SMARCAL1: variants seen among roughly 807,000 people sequenced by gnomAD.
SMARCAL1 encodes the protein SNF2 related chromatin remodeling annealing helicase 1, also known as ATP-driven annealing helicase.
Under a neutral mutation model 94.5 loss-of-function variants are expected in SMARCAL1, and 58 were observed. The ratio of observed to expected loss-of-function variants is 0.61; its 90% CI spans 0.50 to 0.76. The LOEUF is 0.76. Among genes scored for constraint, SMARCAL1 ranks in the 30% least tolerant of loss-of-function variants. The pLI is 0.00. For missense variants in SMARCAL1, 1,051 were observed against 1,177.9 expected (o/e 0.89, Z 1.58); for synonymous variants, 422 against 455.1 (o/e 0.93, Z 0.93).
chr2:216,468,000 A>G lies in SMARCAL1; in HGVS notation c.2198A>G (p.His733Arg). 1 of 1,614,056 alleles carries G rather than the reference A, an allele frequency of 6.2e-7. No homozygotes were observed. The highest frequency in any genetic ancestry group is 2.2e-5 in the East Asian group (1 of 44,880). ...SGREKFLVFA[H>R]HKVVLDAITQ... ...AGAGAGAAGTTTTTAGTATTTGCAC[A>G]CCATAAGGTGGTCCTGGACGCAATT... Residue 733 changes from histidine to arginine, a missense_variant, in exon 14 of 18, where the codon CAC becomes CGC. Physicochemically the swap from His to Arg is conservative, Grantham distance 29. Coordinates refer to ENST00000357276, the MANE Select transcript of SMARCAL1 (RefSeq NM_014140.4).
Position 216,415,058 on chromosome 2 carries a change from T to C in SMARCAL1, c.354T>C (p.Ala118=). 1.2e-6 allele frequency: 2 copies of C among 1,614,184 alleles called. No homozygotes were observed. The highest frequency in any genetic ancestry group is 1.7e-6 in the Non-Finnish European group (2 of 1,180,018). ...GCCACAGTCCACGTAGTCAAATGGC[T>C]CTCACTGGAATCTCTCCTCCCTTGG... The part of the protein sequence containing the change: ...CPGHSPRSQM[A]LTGISPPLAQ... The change falls in exon 3 of 18, where the codon GCT becomes GCC. Residue 118 remains alanine (A), a synonymous_variant. Transcript: ENST00000357276.
intron 14 of SMARCAL1, among the ~76,000 whole-genome samples, chr2:216,474,028 A>G (rs1695017327): frequency 6.6e-6 from 1 of 152,034 alleles, no homozygotes; most frequent in Non-Finnish European, 1.5e-5. Context: ...AATTATTGAT[A>G]CAGGTAACAA....
chr2:216,472,470 A>G (rs1453986987), intron 14 of SMARCAL1, among the ~76,000 whole-genome samples: 3 of 152,168 alleles, frequency 2.0e-5, no homozygotes, highest in Admixed American at 2.0e-4. Flanking sequence ...TTATCTTTTT[A>G]GTTTTTCTGT....
intron 6 of SMARCAL1, 27 bp from the exon 7 acceptor site, chr2:216,428,569 C>G (rs753964687): frequency 8.1e-6 from 13 of 1,610,092 alleles, no homozygotes; most frequent in African/African-American, 1.3e-5. Flanking sequence ...AACACTCCAG[C>G]TCATATGCTT....
At position 216,482,882 on chromosome 2, in the gene SMARCAL1, G is replaced by A; in HGVS notation, c.2770G>A (p.Asp924Asn). The A allele has an allele frequency of 6.2e-7, 1 of 1,614,200 alleles. No homozygotes were observed. The highest frequency in any genetic ancestry group is 8.5e-7 in the Non-Finnish European group (1 of 1,180,044). The change falls in exon 18 of 18, where the codon GAC (aspartate) becomes AAC (asparagine). Residue 924 changes from aspartate (D) to asparagine (N), a missense_variant. Physicochemically the swap from Asp to Asn is conservative, Grantham distance 23. This residue lies in a region of SMARCAL1 where 642 missense variants were observed against 754.7 expected (regional missense o/e 0.85). Transcript: ENST00000357276. The surrounding 1 kb of genome is among the most constrained non-coding windows in gnomAD (Gnocchi z 4.3). ...TGGAAGTAGTTCCCAGAACATGGGA[G>A]ACACCCTGGATGAAAGCTCATTGAC... is the stretch of plus-strand genomic sequence containing the variant. ...TSGSSSQNMG[D>N]TLDESSLTAS... is the part of the protein sequence containing the mutation.
At chr2:216,466,824 A>G (rs1301970802) in intron 13 of SMARCAL1, among the ~76,000 whole-genome samples, 1 of 152,230 alleles carries the variant, frequency 6.6e-6, no homozygotes, top group East Asian at 1.9e-4. Flanking sequence ...AAATTCTATT[A>G]GTATCAACAA....
intron 11 of SMARCAL1, among the ~76,000 whole-genome samples, chr2:216,450,094 C>T (rs996073157): frequency 1.3e-5 from 2 of 152,212 alleles, no homozygotes; most frequent in South Asian, 2.1e-4. Flanking sequence ...AAGTGATCCT[C>T]CTGCCTCCGC....
Position 216,478,996 on chromosome 2 carries a change from G to T in SMARCAL1, c.2625+697G>T, listed in dbSNP as rs111933025. The T allele has an allele frequency of 2.2e-3, 340 of 153,020 alleles. 1 individual carries two copies. Among genetic ancestry groups the T allele is most frequent in the Non-Finnish European group, 4.2e-3 (285 of 68,616 alleles). 9.5% of individuals were successfully genotyped at this position (153,020 alleles called of 1,614,324 possible). ...ATCATGCCTGCCTGGTTTCAGTGCT[G>T]CAGCCCAGTGGCTGCCACAGACTCT... On this transcript the variant is annotated intron_variant, in intron 17 of 17. Coordinates refer to ENST00000357276, the MANE Select transcript of SMARCAL1 (RefSeq NM_014140.4).
intron 10 of SMARCAL1, among the ~76,000 whole-genome samples, chr2:216,438,945 C>T (rs1452490497): frequency 1.3e-5 from 2 of 152,168 alleles, no homozygotes; most frequent in East Asian, 1.9e-4. Flanking sequence ...GGCAAAAAAA[C>T]GCAATTACTT....
intron 16 of SMARCAL1, 52 bp from the exon 17 acceptor site, chr2:216,478,151 T>C: frequency 2.1e-6 from 3 of 1,414,774 alleles, no homozygotes; most frequent in Non-Finnish European, 3.0e-6. Flanking sequence ...TTTTCATTAG[T>C]CTGGTGGTTC....
intron 4 of SMARCAL1, among the ~76,000 whole-genome samples, chr2:216,419,965 G>T (rs1693678165): frequency 6.8e-6 from 1 of 146,454 alleles, no homozygotes; most frequent in South Asian, 2.1e-4. Context: ...GGAGGTTGAG[G>T]CTGCAGTGAG....
intron 12 of SMARCAL1, 102 bp from the exon 13 acceptor site, chr2:216,464,495 G>T (rs1403568264): frequency 1.6e-5 from 14 of 881,428 alleles, no homozygotes; most frequent in Middle Eastern, 4.3e-4. Context: ...TCTGGTGACG[G>T]GTGGTTGAGA....
chr2:216,480,460 C>G (rs190583076), intron 17 of SMARCAL1, among the ~76,000 whole-genome samples: 160 of 152,294 alleles, frequency 1.1e-3, no homozygotes, highest in African/African-American at 2.9e-3. Flanking sequence ...GCTTTTTCTA[C>G]TTGGAATAGG....
At chr2:216,443,873 C>T (rs1477613131) in intron 10 of SMARCAL1, among the ~76,000 whole-genome samples, 1 of 152,216 alleles carries the variant, frequency 6.6e-6, no homozygotes. Flanking sequence ...GTAAAGAATA[C>T]ACCCGTGGTC....
chr2:216,464,728 T>G lies in SMARCAL1; in HGVS notation c.2141+61T>G, dbSNP rs1358210526. 2.9e-6 allele frequency: 3 copies of G among 1,049,032 alleles called. No individual in the cohort carries two copies. The East Asian group carries it at 7.1e-5, about 25-fold the overall frequency. The allele number at this position is 1,049,032 out of a possible 1,614,324, so 65.0% of individuals were successfully genotyped here. On this transcript the variant is annotated intron_variant, in intron 13 of 17. Transcript: ENST00000357276. Reference sequence around the variant, plus strand: ...CATCTTCAAAAAAAAAAAAAACAACTTATTACTTTATTCTGCCTGAATGAT... The same window carrying G: ...CATCTTCAAAAAAAAAAAAAACAACGTATTACTTTATTCTGCCTGAATGAT...
chr2:216,430,575 C>T (rs284558), intron 7 of SMARCAL1, among the ~76,000 whole-genome samples: 3,257 of 152,178 alleles, frequency 0.021, 102 homozygotes, highest in African/African-American at 0.073. Flanking sequence ...TGTTATTGTT[C>T]CTCTGTTATC....
At chr2:216,435,965 T>C (rs946139732) in intron 9 of SMARCAL1, among the ~76,000 whole-genome samples, 7 of 151,842 alleles carry the variant, frequency 4.6e-5, no homozygotes, top group Non-Finnish European at 7.4e-5. Flanking sequence ...TTTTTGGAGG[T>C]TTTTCTGTGT....
At chr2:216,468,124 A>G (rs2106077414) in intron 14 of SMARCAL1, 78 bp downstream of exon 14, 1 of 959,840 alleles carries the variant, frequency 1.0e-6, no homozygotes, top group Non-Finnish European at 1.7e-6. Flanking sequence ...GGTCAGATCC[A>G]AGCAAAGTGA....
intron 7 of SMARCAL1, among the ~76,000 whole-genome samples, chr2:216,431,697 T>A (rs900563334): frequency 6.6e-6 from 1 of 152,216 alleles, no homozygotes; most frequent in Non-Finnish European, 1.5e-5. Context: ...GTACAGCTGC[T>A]GAGTGATGGA....
Sources: gnomAD v4.1 joint callset for allele counts (sites outside exome capture counted in the v4.1 genomes callset) on GRCh38, gnomAD v4.1.1 for gene constraint, gnomAD v4.1.1 regional missense constraint, Gnocchi (gnomAD v3.1) non-coding constraint, MANE v1.5 for transcripts, NCBI Gene and HGNC (gene_info 2026-07-23, HGNC 2026-07-21) for gene names.